The following PCMTD1 variants were observed in gnomAD, a reference collection of about 807,000 sequenced individuals.
PCMTD1 encodes protein-L-isoaspartate O-methyltransferase domain-containing protein 1.
A neutral mutation model predicts 37.6 loss-of-function variants in PCMTD1; 12 were observed. The ratio of observed to expected loss-of-function variants is 0.32; its 90% CI spans 0.20 to 0.52. PCMTD1 has a LOEUF of 0.52. Ranked by LOEUF, PCMTD1 falls within the 20% of genes least tolerant of loss-of-function variation. The probability of loss-of-function intolerance (pLI) is 0.97; values close to 1 mark genes in which losing one functional copy is unlikely to be tolerated. For missense variants in PCMTD1, 235 were observed against 421.3 expected (o/e 0.56, Z 3.87); for synonymous variants, 117 against 135.8 (o/e 0.86, Z 0.96).
rs1388999382 is a variant in PCMTD1, at chr8:51,820,771, CT to C, written c.707-54del. 10 of 1,373,914 alleles carry C rather than the reference CT, an allele frequency of 7.3e-6. 1 individual carries two copies. In the African/African-American group the frequency reaches 1.1e-4, roughly 15 times the overall value. The allele number at this position is 1,373,914 out of a possible 1,614,324, so 85.1% of individuals were successfully genotyped here. On this transcript the variant is annotated intron_variant, in intron 5 of 5. Coordinates refer to ENST00000522514, the MANE Select transcript of PCMTD1 (RefSeq NM_052937.4). ...GAAAATATTAACAATAAAACATTAT[CT>C]ATTGTTTATTTTTTTCATAGAACAA...
intron 1 of PCMTD1, among the ~76,000 whole-genome samples, chr8:51,871,127 AG>A (rs1294366555): frequency 1.3e-5 from 2 of 152,172 alleles, no homozygotes; most frequent in Admixed American, 1.3e-4. Context: ...AAGACTGGAA[AG>A]GGGAAACAAA....
At chr8:51,837,541 G>A (rs893186390) in intron 3 of PCMTD1, among the ~76,000 whole-genome samples, 3 of 152,104 alleles carry the variant, frequency 2.0e-5, no homozygotes, top group Non-Finnish European at 4.4e-5. Flanking sequence ...GTGTCCTAAG[G>A]ATTATTATTT....
At chr8:51,880,000 T>C (rs1364779855) in intron 1 of PCMTD1, among the ~76,000 whole-genome samples, 6 of 148,638 alleles carry the variant, frequency 4.0e-5, no homozygotes, top group South Asian at 4.2e-4. Context: ...CTAGGCAACA[T>C]AGCGAGACCA....
chr8:51,824,585 T>C (rs1041317061), intron 5 of PCMTD1, among the ~76,000 whole-genome samples: 1 of 152,172 alleles, frequency 6.6e-6, no homozygotes, highest in African/African-American at 2.4e-5. Flanking sequence ...TGTTCATGGA[T>C]AGGAAGAATC....
At chr8:51,824,061 CTATTTATGACAAACCCACAGCCAA>C (rs2037886367) in intron 5 of PCMTD1, among the ~76,000 whole-genome samples, 1 of 152,086 alleles carries the variant, frequency 6.6e-6, no homozygotes, top group African/African-American at 2.4e-5. Context: ...ATAATAAGAG[CTATTTATGACAAACCCACAGCCAA>C]TATCATACTG....
intron 1 of PCMTD1, among the ~76,000 whole-genome samples, chr8:51,895,617 G>GA (rs2038988597): frequency 6.6e-6 from 1 of 152,050 alleles, no homozygotes; most frequent in Non-Finnish European, 1.5e-5. Flanking sequence ...ATTAATTTTT[G>GA]AGAATACACA....
intron 1 of PCMTD1, among the ~76,000 whole-genome samples, chr8:51,867,033 C>CA (rs574605176): frequency 1.3e-5 from 2 of 151,784 alleles, no homozygotes; most frequent in East Asian, 3.9e-4. Context: ...ATATGCCAAT[C>CA]AAAAAACAAA....
chr8:51,869,993 C>G (rs7011046), intron 1 of PCMTD1, among the ~76,000 whole-genome samples: 107,194 of 152,050 alleles, frequency 0.7, 43,763 homozygotes, highest in Non-Finnish European at 0.91. Context: ...TGTCAAAGGC[C>G]CCATACAATA....
At chr8:51,895,681 T>G (rs1428020280) in intron 1 of PCMTD1, among the ~76,000 whole-genome samples, 1 of 151,926 alleles carries the variant, frequency 6.6e-6, no homozygotes, top group Non-Finnish European at 1.5e-5. Flanking sequence ...TGAAAAAATC[T>G]TACCATATTC....
chr8:51,877,993 A>G (rs1008836771), intron 1 of PCMTD1, among the ~76,000 whole-genome samples: 3 of 152,226 alleles, frequency 2.0e-5, no homozygotes, highest in South Asian at 2.1e-4. Context: ...AAATGCATCA[A>G]AATGCAAGCA....
intron 2 of PCMTD1, among the ~76,000 whole-genome samples, chr8:51,858,674 CCTT>C (rs1221166442): frequency 6.6e-6 from 1 of 152,158 alleles, no homozygotes; most frequent in East Asian, 1.9e-4. Context: ...TTCTGCTTCT[CCTT>C]CTTTATCTTT....
At chr8:51,879,075 G>A (rs1043457327) in intron 1 of PCMTD1, among the ~76,000 whole-genome samples, 8 of 152,088 alleles carry the variant, frequency 5.3e-5, no homozygotes, top group African/African-American at 9.7e-5. Context: ...GCAGTGGGCC[G>A]TAGTCATGCC....
intron 1 of PCMTD1, 129 bp downstream of exon 1, chr8:51,898,801 G>A: frequency 1.1e-6 from 1 of 924,348 alleles, no homozygotes; most frequent in Non-Finnish European, 1.4e-6. Context: ...AAGTCCCCCT[G>A]CCCCCGACTC....
intron 1 of PCMTD1, among the ~76,000 whole-genome samples, chr8:51,888,400 T>C (rs562422426): frequency 7.9e-5 from 12 of 152,266 alleles, no homozygotes; most frequent in Non-Finnish European, 1.5e-4. Context: ...AAAAAATGAA[T>C]GGGAAGATAC....
chr8:51,874,690 TC>T, intron 1 of PCMTD1, among the ~76,000 whole-genome samples: 1 of 152,338 alleles, frequency 6.6e-6, no homozygotes. Flanking sequence ...ACAAGTGCTC[TC>T]AAATGCTCTT....
chr8:51,821,970 C>T (rs1052165782), intron 5 of PCMTD1, among the ~76,000 whole-genome samples: 4 of 152,056 alleles, frequency 2.6e-5, no homozygotes, highest in Admixed American at 6.5e-5. Context: ...CTCCTGACCT[C>T]GTGATCCGCC....
At chr8:51,865,882 T>A (rs1469665574) in intron 1 of PCMTD1, among the ~76,000 whole-genome samples, 2 of 151,906 alleles carry the variant, frequency 1.3e-5, no homozygotes, top group African/African-American at 4.8e-5. Flanking sequence ...AATACCTATG[T>A]TAACTGATAA....
intron 1 of PCMTD1, among the ~76,000 whole-genome samples, chr8:51,887,945 A>T (rs192506053): frequency 6.6e-6 from 1 of 152,112 alleles, no homozygotes; most frequent in African/African-American, 2.4e-5. Flanking sequence ...GAGTTTCACC[A>T]TGTTGGCCAG....
intron 3 of PCMTD1, among the ~76,000 whole-genome samples, chr8:51,837,771 ATCTATC>A (rs1175449406): frequency 6.6e-6 from 1 of 151,388 alleles, no homozygotes; most frequent in Non-Finnish European, 1.5e-5. Context: ...ATCATGACTT[ATCTATC>A]TATTTATTTA....
Sources: allele counts gnomAD v4.1 joint callset (sites outside exome capture counted in the v4.1 genomes callset), GRCh38; gene constraint gnomAD v4.1.1; transcripts MANE v1.5; gene names NCBI Gene and HGNC (gene_info 2026-07-23, HGNC 2026-07-21).